Variants in SUV39H2 observed in about 807,000 individuals in gnomAD.
SUV39H2 encodes the protein SUV39H2 histone lysine methyltransferase.
In SUV39H2, 10 loss-of-function variants were observed where a neutral mutation model predicts 47.5. The ratio of observed to expected loss-of-function variants is 0.21; its 90% CI spans 0.13 to 0.36. SUV39H2 has a LOEUF of 0.36. SUV39H2 is among the 10% of genes least tolerant of loss of function. SUV39H2 has a pLI of 1.00. For missense variants in SUV39H2, 266 were observed against 487.4 expected, an observed-to-expected ratio of 0.55 and a Z score of 4.28; for synonymous variants, 159 against 166.8, an observed-to-expected ratio of 0.95 and a Z score of 0.36.
chr10:14,898,158 T>TAA (rs942053965), intron 3 of SUV39H2: 1 of 149,874 alleles, frequency 6.7e-6, no homozygotes. Flanking sequence ...CTTGATGTAT[T>TAA]AATTCACTAA....
chr10:14,880,512 C>T (rs1833010849), intron 1 of SUV39H2, among the ~76,000 whole-genome samples: 1 of 152,190 alleles, frequency 6.6e-6, no homozygotes, highest in African/African-American at 2.4e-5. Context: ...AGATTGAGAC[C>T]TCACTAAAGT....
intron 2 of SUV39H2, among the ~76,000 whole-genome samples, chr10:14,883,704 C>CAAAAAAAAA (rs58522342): frequency 1.6e-3 from 78 of 50,046 alleles, no homozygotes; most frequent in African/African-American, 3.1e-3. Context: ...GACTCAGTCT[C>CAAAAAAAAA]AAAAAAAAAA....
intron 1 of SUV39H2, chr10:14,879,199 T>G: frequency 1.3e-5 from 13 of 1,014,310 alleles, no homozygotes; most frequent in East Asian, 4.4e-5. Context: ...CCCGGCCCCC[T>G]CCGCGTCTCC....
intron 2 of SUV39H2, among the ~76,000 whole-genome samples, chr10:14,890,774 T>C (rs976459667): frequency 6.6e-6 from 1 of 152,262 alleles, no homozygotes; most frequent in South Asian, 2.1e-4. Context: ...TCTTCTCATA[T>C]GTTTCTTTTA....
intron 1 of SUV39H2, among the ~76,000 whole-genome samples, chr10:14,880,936 T>TCATG (rs1173235302): frequency 2.0e-5 from 3 of 152,180 alleles, no homozygotes; most frequent in African/African-American, 7.2e-5. Context: ...AATTAAAGCT[T>TCATG]CATGCAACAT....
At chr10:14,885,739 C>T (rs1470986572) in intron 2 of SUV39H2, among the ~76,000 whole-genome samples, 1 of 152,168 alleles carries the variant, frequency 6.6e-6, no homozygotes, top group African/African-American at 2.4e-5. Flanking sequence ...CTTTAGCATA[C>T]CTCTGCCTTT....
intron 2 of SUV39H2, among the ~76,000 whole-genome samples, chr10:14,882,581 A>T (rs1156920143): frequency 6.6e-6 from 1 of 152,228 alleles, no homozygotes; most frequent in Non-Finnish European, 1.5e-5. Flanking sequence ...CAGCCCCATT[A>T]TAACTTATTT....
intron 3 of SUV39H2, chr10:14,899,031 G>T: frequency 1.7e-6 from 1 of 578,634 alleles, no homozygotes; most frequent in Non-Finnish European, 3.1e-6. Context: ...CTCAAATCCT[G>T]TTTAAAAAGT....
intron 2 of SUV39H2, among the ~76,000 whole-genome samples, chr10:14,885,191 C>A (rs1044677004): frequency 2.6e-5 from 4 of 152,122 alleles, no homozygotes; most frequent in Admixed American, 6.5e-5. Flanking sequence ...CTTTCTGAGG[C>A]CTTGAGCCCT....
At chr10:14,882,709 T>C (rs1360167379) in intron 2 of SUV39H2, among the ~76,000 whole-genome samples, 1 of 152,182 alleles carries the variant, frequency 6.6e-6, no homozygotes, top group Non-Finnish European at 1.5e-5. Context: ...TCTATCCATT[T>C]CTCATTTTCT....
At chr10:14,893,776 G>T (rs1243435845) in intron 2 of SUV39H2, among the ~76,000 whole-genome samples, 2 of 152,168 alleles carry the variant, frequency 1.3e-5, no homozygotes, top group South Asian at 2.1e-4. Flanking sequence ...GTACCAATGT[G>T]ATTAGCATAC....
intron 2 of SUV39H2, among the ~76,000 whole-genome samples, chr10:14,894,081 C>T (rs1196348072): frequency 6.6e-6 from 1 of 152,152 alleles, no homozygotes; most frequent in Non-Finnish European, 1.5e-5. Flanking sequence ...TTAGATGCTG[C>T]CAGTTGGATC....
intron 3 of SUV39H2, chr10:14,897,849 A>G (rs17156040): frequency 0.014 from 2,425 of 169,644 alleles, 76 homozygotes; most frequent in African/African-American, 0.053. Flanking sequence ...GATGTAACAC[A>G]TGCTGCTTTG....
At chr10:14,889,933 A>G (rs1209876396) in intron 2 of SUV39H2, among the ~76,000 whole-genome samples, 1 of 152,230 alleles carries the variant, frequency 6.6e-6, no homozygotes, top group African/African-American at 2.4e-5. Flanking sequence ...GGTATTTAAG[A>G]TAGTTCAGTT....
rs759774220 is a variant in SUV39H2 at position 14,897,492 on chromosome 10, G to C, written c.824G>C (p.Ser275Thr). ...VKTLVKIKRM[S>T]FVMEYVGEVI... Reference sequence around the variant, plus strand: ...ACCCTTGTGAAGATTAAAAGAATGAGTTTTGTCATGGAATATGTTGGAGAG... The same window carrying C: ...ACCCTTGTGAAGATTAAAAGAATGACTTTTGTCATGGAATATGTTGGAGAG... The change falls in exon 3 of 6, where the codon AGT (serine) becomes ACT (threonine). Residue 275 changes from serine to threonine, a missense_variant. Ser to Thr is a moderately conservative substitution (Grantham distance 58, BLOSUM62 1). Coordinates refer to ENST00000354919, the MANE Select transcript of SUV39H2 (RefSeq NM_001193424.2). 1.0e-5 allele frequency: 16 copies of C among 1,567,332 alleles called. No homozygotes were observed. Among genetic ancestry groups the C allele is most frequent in the African/African-American group, 1.4e-5 (1 of 73,572 alleles).
rs190506435 is a variant in SUV39H2, at chr10:14,883,937, G to C, written c.177+2292G>C. Among the ~76,000 whole-genome samples the C allele has an allele frequency of 1.7e-4, 26 of 152,224 alleles. No homozygotes were observed. In the East Asian group the frequency reaches 4.6e-3, roughly 27 times the overall value. ...TCATATAAAAGGAATCATACCATAT[G>C]TGGTCCTTTGTGATTGGCCCCTTTC... On this transcript the variant is annotated intron_variant, in intron 2 of 5. Coordinates refer to ENST00000354919, the MANE Select transcript of SUV39H2 (RefSeq NM_001193424.2).
chr10:14,882,583 A>C (rs1243887487), intron 2 of SUV39H2, among the ~76,000 whole-genome samples: 1 of 152,126 alleles, frequency 6.6e-6, no homozygotes, highest in Non-Finnish European at 1.5e-5. Context: ...GCCCCATTAT[A>C]ACTTATTTCT....
At chr10:14,878,992 T>C (rs940497037) in intron 1 of SUV39H2, 73 bp downstream of exon 1, 20 of 1,334,250 alleles carry the variant, frequency 1.5e-5, no homozygotes, top group Non-Finnish European at 1.9e-5. Flanking sequence ...GGCGGGGCCG[T>C]CCCGCGGGCC....
At chr10:14,901,397 T>C (rs1833994772) in intron 5 of SUV39H2, 135 bp downstream of exon 5, 7 of 1,191,432 alleles carry the variant, frequency 5.9e-6, no homozygotes, top group Non-Finnish European at 8.2e-6. Context: ...TTTGTCATCC[T>C]AAGGTACAAA....
Sources: gnomAD v4.1 joint callset for allele counts (sites outside exome capture counted in the v4.1 genomes callset) on GRCh38, gnomAD v4.1.1 for gene constraint, MANE v1.5 for transcripts, NCBI Gene and HGNC (gene_info 2026-07-23, HGNC 2026-07-21) for gene names.